SFMBT2: variants seen among roughly 807,000 people sequenced by gnomAD.
SFMBT2 encodes the protein Scm like with four mbt domains 2, also known as scm-like with four MBT domains protein 2.
In SFMBT2, 38 loss-of-function variants were observed where a neutral mutation model predicts 110.1. The ratio of observed to expected loss-of-function variants is 0.35; its 90% CI spans 0.27 to 0.45. SFMBT2 has a LOEUF of 0.45. Ranked by LOEUF, SFMBT2 falls within the 20% of genes least tolerant of loss-of-function variation. The pLI is 1.00. For synonymous variants in SFMBT2, 425 were observed against 425.4 expected, an observed-to-expected ratio of 1.00 and a Z score of 0.01; for missense variants, 1,011 against 1,094.9, an observed-to-expected ratio of 0.92 and a Z score of 1.08.
chr10:7,278,962 G>A lies in SFMBT2; in HGVS notation c.773-1973C>T, dbSNP rs565899024. ...AAACAAAAACAAAAATTAGCTGGGT[G>A]CGGTGGCAGGCGTCTGTAATACCAG... On this transcript the variant is annotated intron_variant, in intron 6 of 20. Coordinates refer to ENST00000397167, the MANE Select transcript of SFMBT2 (RefSeq NM_001387889.1). Among the ~76,000 whole-genome samples the A allele has an allele frequency of 3.3e-5, 5 of 152,110 alleles. No individual in the cohort carries two copies. The South Asian group carries it at 6.2e-4, about 19-fold the overall frequency.
At chr10:7,365,523 G>C (rs1438954195) in intron 4 of SFMBT2, among the ~76,000 whole-genome samples, 1 of 152,196 alleles carries the variant, frequency 6.6e-6, no homozygotes, top group Non-Finnish European at 1.5e-5. Flanking sequence ...TGTCTGGGGG[G>C]ATAAAGTGTA....
chr10:7,271,845 C>T (rs1274233118), intron 7 of SFMBT2, among the ~76,000 whole-genome samples: 4 of 152,120 alleles, frequency 2.6e-5, no homozygotes, highest in African/African-American at 7.2e-5. Flanking sequence ...ATTTTTAAAA[C>T]CATCAGATCT....
intron 4 of SFMBT2, among the ~76,000 whole-genome samples, chr10:7,357,423 T>C (rs909499244): frequency 3.3e-5 from 5 of 152,276 alleles, no homozygotes; most frequent in African/African-American, 1.2e-4. Flanking sequence ...ATTGAAAGGC[T>C]GACCTCCCCA....
chr10:7,358,861 C>T (rs1037587127), intron 4 of SFMBT2, among the ~76,000 whole-genome samples: 14 of 149,674 alleles, frequency 9.4e-5, no homozygotes, highest in African/African-American at 3.0e-4. Context: ...CATCTGCATA[C>T]CCCTGGGACA....
chr10:7,243,125 T>C (rs1174525432), intron 9 of SFMBT2, among the ~76,000 whole-genome samples: 1 of 152,198 alleles, frequency 6.6e-6, no homozygotes, highest in African/African-American at 2.4e-5. Context: ...TAGCATCTAA[T>C]TGTCGGATAT....
At chr10:7,379,050 G>A (rs1251773004) in intron 2 of SFMBT2, among the ~76,000 whole-genome samples, 1 of 152,114 alleles carries the variant, frequency 6.6e-6, no homozygotes, top group South Asian at 2.1e-4. Flanking sequence ...CCAGTGGGCT[G>A]TTGAATGCCA....
At chr10:7,397,363 T>C (rs1488499103) in intron 1 of SFMBT2, among the ~76,000 whole-genome samples, 4 of 151,466 alleles carry the variant, frequency 2.6e-5, no homozygotes, top group Non-Finnish European at 5.9e-5. Context: ...GGTTGTTTGT[T>C]GTTGTTTTTT....
intron 4 of SFMBT2, among the ~76,000 whole-genome samples, chr10:7,361,837 A>G (rs1844728732): frequency 6.6e-6 from 1 of 152,152 alleles, no homozygotes. Context: ...ATCATCACAC[A>G]TACTTACCTG....
chr10:7,240,555 T>C (rs1564400688), intron 9 of SFMBT2, among the ~76,000 whole-genome samples: 1 of 152,010 alleles, frequency 6.6e-6, no homozygotes, highest in Non-Finnish European at 1.5e-5. Context: ...AGTGGGAAAA[T>C]AAAAGTTTAG....
rs151088342 is a variant in SFMBT2, at chr10:7,266,474, C to G, written c.870+10418G>C. Among the ~76,000 whole-genome samples the G allele has an allele frequency of 2.1e-3, 318 of 152,262 alleles. 2 individuals carry two copies. The highest frequency in any genetic ancestry group is 6.9e-3 in the African/African-American group (285 of 41,556). On this transcript the variant is annotated intron_variant, in intron 7 of 20. Transcript: ENST00000397167. ...ATCTGGGGGTGACCTTCCAGGCAGA[C>G]CAGGCATTATACAAAGGCCTTAGGC... is the stretch of plus-strand genomic sequence containing the variant.
intron 1 of SFMBT2, among the ~76,000 whole-genome samples, chr10:7,386,292 A>T (rs1845602382): frequency 1.3e-5 from 2 of 152,248 alleles, no homozygotes; most frequent in South Asian, 4.1e-4. Flanking sequence ...AAGAGACAGA[A>T]GCTTATTATG....
At chr10:7,336,028 G>A (rs1843710088) in intron 4 of SFMBT2, among the ~76,000 whole-genome samples, 1 of 152,194 alleles carries the variant, frequency 6.6e-6, no homozygotes, top group Non-Finnish European at 1.5e-5. Flanking sequence ...CTAGTACAAA[G>A]TATCAGGCAG....
chr10:7,165,803 T>C (rs1379406426), intron 20 of SFMBT2, among the ~76,000 whole-genome samples: 1 of 152,258 alleles, frequency 6.6e-6, no homozygotes, highest in Non-Finnish European at 1.5e-5. Context: ...ATAGTGCTCA[T>C]ACATGTTATT....
chr10:7,362,029 C>G (rs1436447295), intron 4 of SFMBT2, among the ~76,000 whole-genome samples: 1 of 152,208 alleles, frequency 6.6e-6, no homozygotes, highest in Non-Finnish European at 1.5e-5. Context: ...GCAGCTGCCC[C>G]TTGCAAGCAT....
intron 2 of SFMBT2, 23 bp from the exon 3 acceptor site, chr10:7,370,398 A>G: frequency 1.9e-6 from 3 of 1,594,676 alleles, no homozygotes. Flanking sequence ...AAAAGAACAG[A>G]ATATCAATAC....
intron 1 of SFMBT2, among the ~76,000 whole-genome samples, chr10:7,383,167 A>G (rs563357263): frequency 1.3e-5 from 2 of 152,322 alleles, no homozygotes; most frequent in South Asian, 2.1e-4. Flanking sequence ...TAGTGGTAAA[A>G]TATCTTTTAA....
chr10:7,351,161 T>G lies in SFMBT2; in HGVS notation c.436+16488A>C, dbSNP rs192014159. On this transcript the variant is annotated intron_variant, in intron 4 of 20. Coordinates refer to ENST00000397167, the MANE Select transcript of SFMBT2 (RefSeq NM_001387889.1). Reference sequence around the variant, plus strand: ...GTAATGTGATTGTTGTCTCTGAATGTGGTAGGATTTGAAAAGGCTCTCCAG... The same window carrying G: ...GTAATGTGATTGTTGTCTCTGAATGGGGTAGGATTTGAAAAGGCTCTCCAG... 7.0e-3 allele frequency among the ~76,000 whole-genome samples: 1,071 copies of G among 152,312 alleles called. 9 individuals carry two copies. The highest frequency in any genetic ancestry group is 0.012 in the Non-Finnish European group (793 of 68,034).
At chr10:7,376,339 A>G (rs1055653930) in intron 2 of SFMBT2, among the ~76,000 whole-genome samples, 1 of 152,066 alleles carries the variant, frequency 6.6e-6, no homozygotes, top group African/African-American at 2.4e-5. Flanking sequence ...CCTGGGAGAA[A>G]GAGTAATTTT....
chr10:7,240,061 T>G (rs1294488649), intron 9 of SFMBT2, among the ~76,000 whole-genome samples: 1 of 152,092 alleles, frequency 6.6e-6, no homozygotes, highest in Non-Finnish European at 1.5e-5. Context: ...TACCTTTTAA[T>G]AGGTAACACA....
Sources: allele counts gnomAD v4.1 joint callset (sites outside exome capture counted in the v4.1 genomes callset), GRCh38; gene constraint gnomAD v4.1.1; transcripts MANE v1.5; gene names NCBI Gene and HGNC (gene_info 2026-07-23, HGNC 2026-07-21).